The following GGTA1 variants were observed in gnomAD, a reference collection of about 807,000 sequenced individuals.
The protein encoded by GGTA1 is glycoprotein alpha-galactosyltransferase 1 (inactive).
Under a neutral mutation model 2.6 loss-of-function variants are expected in GGTA1, and 5 were observed. That is an observed-to-expected ratio of 1.92 (90% CI 1.00 to 4.04). GGTA1 has a LOEUF of 4.04. Among genes scored for constraint, GGTA1 ranks in the 30% most tolerant of loss-of-function variants. The pLI is 0.00. For synonymous variants in GGTA1, 17 were observed against 5.0 expected (o/e 3.38, Z -3.19); for missense variants, 50 against 16.7 (o/e 2.99, Z -3.47).
rs1829065700 is a variant in GGTA1 at position 121,499,722 on chromosome 9, C to G, written c.-82G>C. 1 of 152,030 alleles carries G rather than the reference C, an allele frequency of 6.6e-6. No homozygotes were observed. Among genetic ancestry groups the G allele is most frequent in the African/African-American group, 2.4e-5 (1 of 41,396 alleles). 9.4% of individuals were successfully genotyped at this position (152,030 alleles called of 1,614,324 possible). On this transcript the variant is annotated 5_prime_UTR_variant, in exon 1 of 6. Transcript: ENST00000481799. ...GCTGAGCAGGACCGCGCCCAGCTCC[C>G]GGCCCCGGCGAAGCCCTACGCGCTC...
downstream of GGTA1, among the ~76,000 whole-genome samples, chr9:121,450,282 G>A (rs940985220): frequency 2.0e-5 from 3 of 151,376 alleles, no homozygotes; most frequent in African/African-American, 4.9e-5. Context: ...CTGGGACTTC[G>A]AGAAAAATCT....
At chr9:121,481,069 C>G (rs1251966092) in intron 1 of GGTA1, among the ~76,000 whole-genome samples, 1 of 150,378 alleles carries the variant, frequency 6.6e-6, no homozygotes, top group Non-Finnish European at 1.5e-5. Context: ...AGGAGAATCA[C>G]TTGAACCCAG....
chr9:121,489,865 C>T (rs28513370), intron 1 of GGTA1, among the ~76,000 whole-genome samples: 41,253 of 152,072 alleles, frequency 0.27, 6,116 homozygotes, highest in Middle Eastern at 0.37. Flanking sequence ...TCTTCTTCCT[C>T]TGCTAAGCCT....
chr9:121,459,373 C>A (rs922618478), intron 5 of GGTA1, among the ~76,000 whole-genome samples: 1 of 152,142 alleles, frequency 6.6e-6, no homozygotes, highest in Non-Finnish European at 1.5e-5. Context: ...GAGGTCAAGG[C>A]TGCAGTGAGC....
chr9:121,454,045 C>G (rs1295674582), downstream of GGTA1, among the ~76,000 whole-genome samples: 1 of 152,216 alleles, frequency 6.6e-6, no homozygotes, highest in East Asian at 1.9e-4. Flanking sequence ...ATTTCACCCC[C>G]AATGCTGAAA....
chr9:121,476,952 A>C lies in GGTA1; in HGVS notation c.-9-9021T>G, dbSNP rs536170590. 5.3e-4 allele frequency among the ~76,000 whole-genome samples: 81 copies of C among 152,292 alleles called. 1 individual carries two copies. The highest frequency in any genetic ancestry group is 1.8e-3 in the African/African-American group (74 of 41,552). On this transcript the variant is annotated intron_variant, in intron 1 of 5. Coordinates refer to ENST00000481799, the MANE Select transcript of GGTA1 (RefSeq NM_001382585.1). The surrounding 1 kb of genome is among the most constrained non-coding windows in gnomAD (Gnocchi z 4.6). ...CTGCACACCCACCTAGGTCCCAGAA[A>C]CAACCGGTCCCAGGTGGACCTTGTT...
chr9:121,484,025 G>C (rs1391852045), intron 1 of GGTA1, among the ~76,000 whole-genome samples: 1 of 152,126 alleles, frequency 6.6e-6, no homozygotes, highest in Non-Finnish European at 1.5e-5. Context: ...CACCTCTCAG[G>C]GTGGTTGAGG....
intron 5 of GGTA1, among the ~76,000 whole-genome samples, chr9:121,457,112 G>A (rs1485015469): frequency 6.6e-6 from 1 of 152,212 alleles, no homozygotes. Flanking sequence ...AAAGGATTTC[G>A]GAGGAGGAAT....
At chr9:121,479,056 C>G (rs1423788853) in intron 1 of GGTA1, 1 of 456,562 alleles carries the variant, frequency 2.2e-6, no homozygotes, top group Admixed American at 2.3e-5. Context: ...CAAAATAAAG[C>G]TGAACTTACA....
At chr9:121,454,391 C>A (rs1564650070), downstream of GGTA1, among the ~76,000 whole-genome samples, 1 of 152,246 alleles carries the variant, frequency 6.6e-6, no homozygotes, top group Non-Finnish European at 1.5e-5. Context: ...AACACCTGGT[C>A]ACTAATGATG....
intron 1 of GGTA1, among the ~76,000 whole-genome samples, chr9:121,479,641 C>T (rs1021588933): frequency 2.0e-5 from 3 of 151,304 alleles, no homozygotes; most frequent in South Asian, 2.1e-4. Flanking sequence ...CCATTCTGGA[C>T]CCAAACAACT....
chr9:121,489,804 T>A (rs1283873095), intron 1 of GGTA1, among the ~76,000 whole-genome samples: 1 of 152,170 alleles, frequency 6.6e-6, no homozygotes, highest in East Asian at 1.9e-4. Context: ...GATGTGTGTG[T>A]GTTTGTTGGG....
At chr9:121,473,963 G>A (rs1461917250) in intron 1 of GGTA1, among the ~76,000 whole-genome samples, 3 of 147,656 alleles carry the variant, frequency 2.0e-5, no homozygotes, top group Non-Finnish European at 4.5e-5. Flanking sequence ...GAGAGAGGGA[G>A]GGAGGGAGGG....
downstream of GGTA1, among the ~76,000 whole-genome samples, chr9:121,453,640 C>T (rs1043734185): frequency 1.3e-5 from 2 of 152,162 alleles, no homozygotes; most frequent in African/African-American, 4.8e-5. Flanking sequence ...TTAGTTCAAC[C>T]CCAGGAAGGC....
intron 1 of GGTA1, among the ~76,000 whole-genome samples, chr9:121,485,464 T>C (rs1352860897): frequency 1.3e-5 from 2 of 152,224 alleles, no homozygotes; most frequent in Non-Finnish European, 2.9e-5. Context: ...TGTTGTCACG[T>C]GTAAAGTGTC....
Position 121,469,122 on chromosome 9 carries a change from T to G in GGTA1, c.-9-1191A>C, listed in dbSNP as rs1828320934. On this transcript the variant is annotated intron_variant, in intron 1 of 5. Transcript: ENST00000481799. Reference sequence around the variant, plus strand: ...TCCCTGATCGCTGCGTGAAACTGCTTAAAAAAGCAGGGGTGCTGTGTGAAG... The same window carrying G: ...TCCCTGATCGCTGCGTGAAACTGCTGAAAAAAGCAGGGGTGCTGTGTGAAG... 2.0e-5 allele frequency among the ~76,000 whole-genome samples: 3 copies of G among 152,070 alleles called. No individual in the cohort carries two copies. In the South Asian group the frequency reaches 6.2e-4, roughly 32 times the overall value.
chr9:121,469,280 A>G (rs1828330603), intron 1 of GGTA1, among the ~76,000 whole-genome samples: 1 of 152,174 alleles, frequency 6.6e-6, no homozygotes, highest in African/African-American at 2.4e-5. Flanking sequence ...GAATGAGACT[A>G]TTTTGGGAGC....
intron 1 of GGTA1, among the ~76,000 whole-genome samples, chr9:121,478,470 C>T (rs1404770635): frequency 6.6e-6 from 1 of 152,168 alleles, no homozygotes. Flanking sequence ...TTTAAAATGC[C>T]TGCCTCCCAG....
At chr9:121,484,070 G>C (rs1352112224) in intron 1 of GGTA1, among the ~76,000 whole-genome samples, 1 of 152,114 alleles carries the variant, frequency 6.6e-6, no homozygotes, top group Non-Finnish European at 1.5e-5. Flanking sequence ...GCATAGACTT[G>C]GGCTCATTGT....
Sources: allele counts gnomAD v4.1 joint callset (sites outside exome capture counted in the v4.1 genomes callset), GRCh38; gene constraint gnomAD v4.1.1; non-coding constraint Gnocchi (gnomAD v3.1); transcripts MANE v1.5; gene names NCBI Gene and HGNC (gene_info 2026-07-23, HGNC 2026-07-21).